Variants in MAP7 observed in about 807,000 individuals in gnomAD.
The protein encoded by MAP7 is ensconsin.
In MAP7, 52 loss-of-function variants were observed where a neutral mutation model predicts 94.8. The ratio of observed to expected loss-of-function variants is 0.55; its 90% confidence interval spans 0.44 to 0.69. The LOEUF (loss-of-function observed/expected upper bound fraction) is 0.69. Ranked by LOEUF, MAP7 falls within the 30% of genes least tolerant of loss-of-function variation. MAP7 has a pLI of 0.00. For missense variants in MAP7, 940 were observed against 964.6 expected (o/e 0.97, Z 0.34); for synonymous variants, 350 against 357.0 (o/e 0.98, Z 0.22).
intron 1 of MAP7, among the ~76,000 whole-genome samples, chr6:136,511,333 T>C (rs934334031): frequency 2.6e-5 from 4 of 152,108 alleles, no homozygotes; most frequent in Admixed American, 2.6e-4. Context: ...AGCAAATTCA[T>C]AAAAAGAAAA....
intron 9 of MAP7, 37 bp from the exon 10 acceptor site, chr6:136,366,055 A>C (rs1454144808): frequency 7.6e-6 from 12 of 1,584,866 alleles, no homozygotes; most frequent in Admixed American, 5.2e-5. Context: ...AAAAGGGGAC[A>C]CATGAGAACA....
At chr6:136,524,058 G>A (rs1827158751) in intron 1 of MAP7, among the ~76,000 whole-genome samples, 1 of 152,044 alleles carries the variant, frequency 6.6e-6, no homozygotes, top group African/African-American at 2.4e-5. Flanking sequence ...GGCCAATAAT[G>A]GTGAAACCCC....
intron 16 of MAP7, 139 bp downstream of exon 16, chr6:136,356,553 A>ATTTGGTT (rs1791001945): frequency 6.2e-6 from 4 of 640,940 alleles, no homozygotes; most frequent in Admixed American, 2.8e-5. Flanking sequence ...TTCTTGGAGT[A>ATTTGGTT]CAGAATTACT....
chr6:136,519,050 T>C (rs547280658), intron 1 of MAP7, among the ~76,000 whole-genome samples: 2 of 152,374 alleles, frequency 1.3e-5, no homozygotes, highest in African/African-American at 2.4e-5. Flanking sequence ...GTAACGCATG[T>C]GGTAATTTCT....
chr6:136,542,856 G>C (rs1021091789), intron 1 of MAP7, among the ~76,000 whole-genome samples: 2 of 152,170 alleles, frequency 1.3e-5, no homozygotes, highest in Admixed American at 6.5e-5. Context: ...GTGAGCATGG[G>C]TTAGCATTAA....
intron 1 of MAP7, among the ~76,000 whole-genome samples, chr6:136,480,687 G>A (rs1272961825): frequency 4.0e-5 from 6 of 149,764 alleles, no homozygotes; most frequent in African/African-American, 9.8e-5. Flanking sequence ...AAACGTTGGG[G>A]AAACTCCCCA....
chr6:136,379,049 C>T (rs1582730102), intron 6 of MAP7, among the ~76,000 whole-genome samples: 1 of 152,234 alleles, frequency 6.6e-6, no homozygotes, highest in Non-Finnish European at 1.5e-5. Flanking sequence ...ACTGTCTACA[C>T]CTGAAAAGGC....
intron 1 of MAP7, among the ~76,000 whole-genome samples, chr6:136,460,258 T>A (rs1804735915): frequency 6.6e-6 from 1 of 152,188 alleles, no homozygotes; most frequent in African/African-American, 2.4e-5. Flanking sequence ...ATTTCTCATA[T>A]AATATTTAAT....
intron 1 of MAP7, among the ~76,000 whole-genome samples, chr6:136,541,481 A>G (rs1395108781): frequency 6.6e-6 from 1 of 152,176 alleles, no homozygotes; most frequent in African/African-American, 2.4e-5. Context: ...TAGAAATTTT[A>G]AGATACCCCA....
At chr6:136,465,083 A>G (rs1443245356) in intron 1 of MAP7, among the ~76,000 whole-genome samples, 1 of 152,206 alleles carries the variant, frequency 6.6e-6, no homozygotes, top group African/African-American at 2.4e-5. Context: ...GGGCTGCCGT[A>G]TGTCGAGTAC....
chr6:136,375,562 T>C (rs955189590), intron 7 of MAP7, among the ~76,000 whole-genome samples: 1 of 152,042 alleles, frequency 6.6e-6, no homozygotes, highest in Non-Finnish European at 1.5e-5. Flanking sequence ...GGACAATAGA[T>C]GAAAAATAAA....
At chr6:136,349,361 A>G (rs1788521976) in intron 16 of MAP7, among the ~76,000 whole-genome samples, 1 of 152,164 alleles carries the variant, frequency 6.6e-6, no homozygotes. Flanking sequence ...AAATCCATAT[A>G]TGTTATTAAT....
At chr6:136,495,015 A>G (rs1476665872) in intron 1 of MAP7, among the ~76,000 whole-genome samples, 1 of 152,328 alleles carries the variant, frequency 6.6e-6, no homozygotes, top group South Asian at 2.1e-4. Flanking sequence ...CTTCTTATAC[A>G]GCAGAACCAA....
intron 15 of MAP7, among the ~76,000 whole-genome samples, chr6:136,358,173 C>T (rs1165261913): frequency 6.6e-6 from 1 of 152,204 alleles, no homozygotes; most frequent in East Asian, 1.9e-4. Flanking sequence ...TTCACCTTCC[C>T]TCTTGCCTTT....
chr6:136,392,006 T>G, intron 3 of MAP7, among the ~76,000 whole-genome samples: 1 of 152,202 alleles, frequency 6.6e-6, no homozygotes, highest in African/African-American at 2.4e-5. Flanking sequence ...TAACCTGAGA[T>G]TCTGTTATAT....
At chr6:136,353,646 T>C (rs1789870884) in intron 16 of MAP7, among the ~76,000 whole-genome samples, 1 of 152,222 alleles carries the variant, frequency 6.6e-6, no homozygotes, top group African/African-American at 2.4e-5. Context: ...TTTGACCTCC[T>C]GGGCTCTAGT....
chr6:136,505,277 G>GTA (rs56764706), intron 1 of MAP7, among the ~76,000 whole-genome samples: 5,091 of 53,692 alleles, frequency 0.095, 313 homozygotes, highest in Admixed American at 0.17. Context: ...GTGTGTGTGT[G>GTA]TATATATATA....
chr6:136,349,342 A>C (rs914013446), intron 16 of MAP7, among the ~76,000 whole-genome samples: 3 of 152,150 alleles, frequency 2.0e-5, no homozygotes, highest in Non-Finnish European at 4.4e-5. Flanking sequence ...TCATTTATAA[A>C]ATTTTATAAA....
intron 8 of MAP7, among the ~76,000 whole-genome samples, chr6:136,368,537 T>C (rs988897143): frequency 1.3e-5 from 2 of 152,220 alleles, no homozygotes; most frequent in African/African-American, 4.8e-5. Context: ...CTTTCTGATA[T>C]GATGAAGATG....
Sources: allele counts gnomAD v4.1 joint callset (sites outside exome capture counted in the v4.1 genomes callset), GRCh38; gene constraint gnomAD v4.1.1; transcripts MANE v1.5; gene names NCBI Gene and HGNC (gene_info 2026-07-23, HGNC 2026-07-21).